B4GALNT1: variants seen among roughly 807,000 people sequenced by gnomAD.
B4GALNT1 encodes the protein beta-1,4 N-acetylgalactosaminyltransferase 1.
B4GALNT1 carries 43 observed loss-of-function variants against 55.2 expected under a neutral mutation model. That is an observed-to-expected ratio of 0.78 (90% CI 0.61 to 1.00). The LOEUF (loss-of-function observed/expected upper bound fraction) is 1.00, where lower values mean the gene tolerates loss of function less well. Among genes scored for constraint, B4GALNT1 ranks in the 50% least tolerant of loss-of-function variants. The pLI, the probability that B4GALNT1 is intolerant of heterozygous loss-of-function variation, is 0.00. For missense variants in B4GALNT1, 664 were observed against 729.7 expected, an observed-to-expected ratio of 0.91 and a Z score of 1.04; for synonymous variants, 305 against 311.6, an observed-to-expected ratio of 0.98 and a Z score of 0.22.
rs756969847 is a variant in B4GALNT1 at position 57,630,057 on chromosome 12, G to C, written c.712+95C>G. 5 of 1,602,696 alleles carry C rather than the reference G, an allele frequency of 3.1e-6. No homozygotes were observed. The East Asian group carries it at 8.9e-5, about 29-fold the overall frequency. ...GCTGGACAGCTCTGGCCATAGCCCA[G>C]ATGCCTCCCATGCCCTCTGCCATTT... On this transcript the variant is annotated intron_variant, in intron 6 of 10. Transcript: ENST00000341156.
At position 57,624,886 on chromosome 12, in the gene B4GALNT1, C is replaced by T; in HGVS notation, c.*1858G>A. On this transcript the variant is annotated 3_prime_UTR_variant, in exon 11 of 11. Transcript: ENST00000341156. ...CTTAGCTCCTCCAGGTCCCGGGGCT[C>T]TGCATCCTGAGCTATCCAACACCAC... The T allele has an allele frequency of 6.2e-7, 1 of 1,614,198 alleles. No homozygotes were observed. The highest frequency in any genetic ancestry group is 8.5e-7 in the Non-Finnish European group (1 of 1,180,036).
rs1884712826 is a variant in B4GALNT1 at position 57,625,071 on chromosome 12, T to G, written c.*1673A>C. On this transcript the variant is annotated 3_prime_UTR_variant, in exon 11 of 11. Coordinates refer to ENST00000341156, the MANE Select transcript of B4GALNT1 (RefSeq NM_001478.5). Reference sequence around the variant, plus strand: ...GAGGGGGATCCTTGTGCTCAAGGGGTGCATGTTCATGCTGTGTTTCGGGAG... The same window carrying G: ...GAGGGGGATCCTTGTGCTCAAGGGGGGCATGTTCATGCTGTGTTTCGGGAG... 2 of 1,613,872 alleles carry G rather than the reference T, an allele frequency of 1.2e-6. No homozygotes were observed. The highest frequency in any genetic ancestry group is 1.7e-5 in the Admixed American group (1 of 60,006).
rs765174931 is a variant in B4GALNT1, at chr12:57,631,016, C to T, written c.454G>A (p.Val152Met). 1 of 1,613,390 alleles carries T rather than the reference C, an allele frequency of 6.2e-7. No homozygotes were observed. Among genetic ancestry groups the T allele is most frequent in the South Asian group, 1.1e-5 (1 of 91,058 alleles). Reference sequence around the variant, plus strand: ...ATGCTCCTGAGGGGCTGAACTTCCACACCCTGTAGGGGGTACTGGAGCGGG... The same window carrying T: ...ATGCTCCTGAGGGGCTGAACTTCCATACCCTGTAGGGGGTACTGGAGCGGG... Reference protein sequence around the residue: ...NSPLQYPLQGVEVQPLRSILV... With the variant: ...NSPLQYPLQGMEVQPLRSILV... The change falls in exon 4 of 11, where the codon GTG becomes ATG. Residue 152 changes from valine to methionine, a missense_variant. Coordinates refer to ENST00000341156, the MANE Select transcript of B4GALNT1 (RefSeq NM_001478.5).
chr12:57,623,751 T>G lies in B4GALNT1; in HGVS notation c.*2993A>C. 1 of 1,175,110 alleles carries G rather than the reference T, an allele frequency of 8.5e-7. No individual in the cohort carries two copies. Among genetic ancestry groups the G allele is most frequent in the South Asian group, 1.4e-5 (1 of 72,598 alleles). The allele number at this position is 1,175,110 out of a possible 1,614,324, so 72.8% of individuals were successfully genotyped here. A position where few individuals can be genotyped will look rare whatever the true frequency, so the allele number is the denominator to read the frequency against. On this transcript the variant is annotated 3_prime_UTR_variant, in exon 11 of 11. Coordinates refer to ENST00000341156, the MANE Select transcript of B4GALNT1 (RefSeq NM_001478.5). ...GAGAAGGGAGACTTCCGAGGAAGAT[T>G]AGGCAGAGTGGGCAGGAAGACCAGC...
At position 57,625,488 on chromosome 12, in the gene B4GALNT1, G is replaced by A. The variant is rs1884744746; in HGVS notation, c.*1256C>T. ...TGGTGAGATGTGTGGAGAAGAGCGG[G>A]GCCCAGTGCCTGGGCAATGACTGGA... On this transcript the variant is annotated 3_prime_UTR_variant, in exon 11 of 11. Coordinates refer to ENST00000341156, the MANE Select transcript of B4GALNT1 (RefSeq NM_001478.5). The A allele has an allele frequency of 1.2e-6, 2 of 1,613,992 alleles. No homozygotes were observed. The highest frequency in any genetic ancestry group is 1.3e-5 in the African/African-American group (1 of 74,914).
Position 57,627,872 on chromosome 12 carries a change from G to T in B4GALNT1, c.1144-14C>A. The T allele has an allele frequency of 6.4e-7, 1 of 1,566,420 alleles. No homozygotes were observed. Among genetic ancestry groups the T allele is most frequent in the East Asian group, 2.3e-5 (1 of 43,748 alleles). On this transcript the variant is annotated splice_polypyrimidine_tract_variant and intron_variant, in intron 9 of 10. Transcript: ENST00000341156. Reference sequence around the variant, plus strand: ...CGCGCCCCCCACCTGCAGGGAGAGGGAGGTTGCCTCCAGGCGGGCCTGGGA... The same window carrying T: ...CGCGCCCCCCACCTGCAGGGAGAGGTAGGTTGCCTCCAGGCGGGCCTGGGA...
intron 1 of B4GALNT1, chr12:57,632,388 C>T: frequency 1.6e-6 from 1 of 637,792 alleles, no homozygotes; most frequent in Non-Finnish European, 2.8e-6. Flanking sequence ...ACACCCGAGG[C>T]CTGGCATCTT....
chr12:57,629,165 G>A lies in B4GALNT1; in HGVS notation c.713-19C>T. ...AACCGGACTGGGAAGAAAGGACATG[G>A]CATTTGACCCTGAAGGGTGGGATAA... On this transcript the variant is annotated intron_variant, in intron 6 of 10. Coordinates refer to ENST00000341156, the MANE Select transcript of B4GALNT1 (RefSeq NM_001478.5). 2 of 1,554,592 alleles carry A rather than the reference G, an allele frequency of 1.3e-6. No individual in the cohort carries two copies. Among genetic ancestry groups the A allele is most frequent in the Admixed American group, 1.9e-5 (1 of 52,762 alleles).
In B4GALNT1 at chr12:57,631,196, G is replaced by C; in HGVS notation, c.383+4C>G. ...GGAGTCATGCGCTTCTTTCAAGCTGGTACCTCGACAGAAAGGCCTGGAACT... is the reference window on the plus strand; with the variant it reads ...GGAGTCATGCGCTTCTTTCAAGCTGCTACCTCGACAGAAAGGCCTGGAACT... On this transcript the variant is annotated splice_donor_region_variant and intron_variant, in intron 3 of 10. Transcript: ENST00000341156. The C allele has an allele frequency of 6.2e-7, 1 of 1,614,156 alleles. No individual in the cohort carries two copies. Among genetic ancestry groups the C allele is most frequent in the Non-Finnish European group, 8.5e-7 (1 of 1,180,032 alleles).
chr12:57,625,290 A>G lies in B4GALNT1; in HGVS notation c.*1454T>C. On this transcript the variant is annotated 3_prime_UTR_variant, in exon 11 of 11. Transcript: ENST00000341156. ...GACTTCAGTGGTGTCACCTTTGCAG[A>G]TGCTGCTGGGGCCAGAGAAGTGGTG... is the stretch of plus-strand genomic sequence containing the variant. 1 of 1,614,066 alleles carries G rather than the reference A, an allele frequency of 6.2e-7. No individual in the cohort carries two copies. The highest frequency in any genetic ancestry group is 1.1e-5 in the South Asian group (1 of 91,086).
chr12:57,629,007 C>A, intron 7 of B4GALNT1, 41 bp downstream of exon 7: 1 of 1,590,712 alleles, frequency 6.3e-7, no homozygotes, highest in South Asian at 1.1e-5. Flanking sequence ...TGCTCCCCAC[C>A]AAGGCTGGTT....
intron 4 of B4GALNT1, 28 bp downstream of exon 4, chr12:57,630,952 G>T: frequency 1.3e-6 from 2 of 1,595,030 alleles, no homozygotes. Context: ...CTGTGGCTGA[G>T]GTCATCCTCT....
intron 1 of B4GALNT1, 40 bp from the exon 2 acceptor site, chr12:57,632,173 G>T: frequency 6.8e-7 from 1 of 1,468,398 alleles, no homozygotes; most frequent in Non-Finnish European, 9.3e-7. Context: ...AGGGAGGGAA[G>T]AAGGGAGGGC....
intron 1 of B4GALNT1, 184 bp from the exon 2 acceptor site, chr12:57,632,317 A>T (rs1323659499): frequency 1.4e-6 from 1 of 711,232 alleles, no homozygotes; most frequent in Admixed American, 2.0e-5. Context: ...CTCACTTCCC[A>T]GGCCCCAGGG....
In B4GALNT1 at chr12:57,624,967, C is replaced by G. The variant is rs116098306; in HGVS notation, c.*1777G>C. 2.5e-6 allele frequency: 4 copies of G among 1,613,910 alleles called. No individual in the cohort carries two copies. In the African/African-American group the frequency reaches 4.0e-5, roughly 16 times the overall value. ...GCAACCTGGAGTGGCACCTGGGGCT[C>G]GGAGAAGGAGAAAAGGTGAAGGAGC... is the stretch of plus-strand genomic sequence containing the variant. On this transcript the variant is annotated 3_prime_UTR_variant, in exon 11 of 11. Coordinates refer to ENST00000341156, the MANE Select transcript of B4GALNT1 (RefSeq NM_001478.5).
chr12:57,628,317 T>C, intron 8 of B4GALNT1, 55 bp from the exon 9 acceptor site: 1 of 1,605,316 alleles, frequency 6.2e-7, no homozygotes, highest in Non-Finnish European at 8.5e-7. Flanking sequence ...CATGGCCCTC[T>C]GCCACCTTTC....
Position 57,627,712 on chromosome 12 carries a change from C to T in B4GALNT1, c.1290G>A (p.Val430=). Residue 430 remains valine (V), a synonymous_variant, in exon 10 of 11, where the codon GTG becomes GTA. Transcript: ENST00000341156. ...AGAAGTTAACCACGCCGTCGGTGAC[C>T]ACGCAGCCTGGGAAGCCGACGAGCT... The part of the protein sequence containing the change: ...HHELVGFPGC[V]VTDGVVNFFL... 1 of 1,612,254 alleles carries T rather than the reference C, an allele frequency of 6.2e-7. No homozygotes were observed. Among genetic ancestry groups the T allele is most frequent in the Non-Finnish European group, 8.5e-7 (1 of 1,179,062 alleles).
At position 57,628,157 on chromosome 12, in the gene B4GALNT1, G is replaced by A. The variant is rs1018621107; in HGVS notation, c.1108C>T (p.Leu370Phe). The A allele has an allele frequency of 3.7e-6, 6 of 1,614,182 alleles. No homozygotes were observed. Among genetic ancestry groups the A allele is most frequent in the Non-Finnish European group, 5.1e-6 (6 of 1,180,038 alleles). Residue 370 changes from leucine (L) to phenylalanine (F), a missense_variant, in exon 9 of 11, where the codon CTT (leucine) becomes TTT (phenylalanine). Leu to Phe is a conservative substitution (Grantham distance 22). Coordinates refer to ENST00000341156, the MANE Select transcript of B4GALNT1 (RefSeq NM_001478.5). ...GGCGTCCGCTCCAGCACGTCCACAA[G>A]CCTCTCCAGCCGCGTCCGCGCCGTG... is the stretch of plus-strand genomic sequence containing the variant. The part of the protein sequence containing the change: ...VFTARTRLER[L>F]VDVLERTPLD...
Position 57,626,572 on chromosome 12 carries a change from G to T in B4GALNT1, c.*172C>A, listed in dbSNP as rs1042122425. The T allele has an allele frequency of 6.9e-6, 5 of 720,814 alleles. No individual in the cohort carries two copies. The highest frequency in any genetic ancestry group is 1.1e-5 in the Non-Finnish European group (5 of 435,168). 44.7% of individuals were successfully genotyped at this position (720,814 alleles called of 1,614,324 possible). ...CCTCTGGGCACTGGAAAAAGGAGGG[G>T]TGTCACCAGGACAACCCCTACTGGG... On this transcript the variant is annotated 3_prime_UTR_variant, in exon 11 of 11. Transcript: ENST00000341156.
Sources: allele counts gnomAD v4.1 joint callset, GRCh38; gene constraint gnomAD v4.1.1; transcripts MANE v1.5; gene names NCBI Gene and HGNC (gene_info 2026-07-23, HGNC 2026-07-21).